Variants in MON2 observed in about 807,000 individuals in gnomAD.
The protein encoded by MON2 is MON2 regulator of endosome-to-Golgi trafficking, also known as protein MON2 homolog.
A neutral mutation model predicts 208.6 loss-of-function variants in MON2; 84 were observed. The ratio of observed to expected loss-of-function variants is 0.40; its 90% CI spans 0.34 to 0.48. The LOEUF (loss-of-function observed/expected upper bound fraction) is 0.48. Ranked by LOEUF, MON2 falls within the 20% of genes least tolerant of loss-of-function variation. The pLI is 0.59. For synonymous variants in MON2, 660 were observed against 694.0 expected (o/e 0.95, Z 0.77); for missense variants, 1,611 against 2,015.4 (o/e 0.80, Z 3.84).
chr12:62,534,542 A>AAAAAATATATATATATAT (rs1555169522), intron 12 of MON2, among the ~76,000 whole-genome samples: 2 of 22,840 alleles, frequency 8.8e-5, no homozygotes, highest in Non-Finnish European at 7.4e-5. Context: ...AAAAAAAAAA[A>AAAAAATATATATATATAT]ATATATATAT....
intron 5 of MON2, 111 bp from the exon 6 acceptor site, chr12:62,500,672 A>G: frequency 1.7e-6 from 1 of 579,558 alleles, no homozygotes; most frequent in Non-Finnish European, 2.9e-6. Flanking sequence ...TGAAATTATA[A>G]CTTCAACTTA....
At chr12:62,514,022 A>G (rs1424897490) in intron 8 of MON2, among the ~76,000 whole-genome samples, 1 of 129,534 alleles carries the variant, frequency 7.7e-6, no homozygotes, top group Non-Finnish European at 1.8e-5. Context: ...CCCAAGTTCA[A>G]AGTTCCACAA....
At chr12:62,493,537 A>G (rs1247018043) in intron 2 of MON2, among the ~76,000 whole-genome samples, 6 of 152,186 alleles carry the variant, frequency 3.9e-5, no homozygotes, top group Non-Finnish European at 7.4e-5. Flanking sequence ...TAATGATTCT[A>G]TTCTAGGGTG....
At position 62,580,169 on chromosome 12, in the gene MON2, G is replaced by A; in HGVS notation, c.4576-128G>A. ...TCTGTATGTTAACATTAAAATGTTTGTGTACTTCTTTAAAGGAGAGTTCTT... is the reference window on the plus strand; with the variant it reads ...TCTGTATGTTAACATTAAAATGTTTATGTACTTCTTTAAAGGAGAGTTCTT... On this transcript the variant is annotated intron_variant, in intron 31 of 34. Coordinates refer to ENST00000393630, the MANE Select transcript of MON2 (RefSeq NM_015026.3). The A allele has an allele frequency of 8.3e-6, 7 of 843,472 alleles. No homozygotes were observed. The South Asian group carries it at 9.8e-5, about 12-fold the overall frequency. 52.2% of individuals were successfully genotyped at this position (843,472 alleles called of 1,614,324 possible). A position where few individuals can be genotyped will look rare whatever the true frequency, so the allele number is the denominator to read the frequency against.
intron 21 of MON2, 58 bp from the exon 22 acceptor site, chr12:62,546,839 A>C: frequency 7.6e-7 from 1 of 1,310,010 alleles, no homozygotes; most frequent in Non-Finnish European, 1.1e-6. Flanking sequence ...AAGCAACAGT[A>C]AAGCCTTCTT....
chr12:62,535,887 T>A (rs1197842248), intron 14 of MON2, among the ~76,000 whole-genome samples, 178 bp downstream of exon 14: 2 of 143,982 alleles, frequency 1.4e-5, no homozygotes, highest in Admixed American at 6.9e-5. Flanking sequence ...GGGGTGGGCA[T>A]GGGATATCCA....
intron 24 of MON2, among the ~76,000 whole-genome samples, chr12:62,554,706 G>A (rs983714563): frequency 9.9e-5 from 15 of 151,874 alleles, no homozygotes; most frequent in African/African-American, 3.6e-4. Context: ...ATATTGCCCC[G>A]GCTGTTCTCA....
intron 34 of MON2, chr12:62,588,982 T>G: frequency 9.5e-7 from 1 of 1,051,770 alleles, no homozygotes; most frequent in Non-Finnish European, 1.3e-6. Flanking sequence ...AAGCACTCTA[T>G]TTGTATTACA....
intron 8 of MON2, among the ~76,000 whole-genome samples, chr12:62,518,968 G>T (rs1179450902): frequency 1.3e-5 from 2 of 152,140 alleles, no homozygotes; most frequent in African/African-American, 4.8e-5. Flanking sequence ...GTTGATGTGT[G>T]ATGCCTCTCT....
intron 4 of MON2, among the ~76,000 whole-genome samples, chr12:62,498,311 G>T (rs753224927): frequency 1.3e-5 from 2 of 152,070 alleles, no homozygotes; most frequent in South Asian, 4.1e-4. Context: ...AAAGCACATG[G>T]GTGTTTGCCT....
intron 32 of MON2, among the ~76,000 whole-genome samples, chr12:62,584,469 C>G (rs1452651165): frequency 6.6e-6 from 1 of 152,060 alleles, no homozygotes; most frequent in African/African-American, 2.4e-5. Context: ...TTTGGGAAGC[C>G]AAGGCTGGCG....
intron 4 of MON2, among the ~76,000 whole-genome samples, chr12:62,495,392 TG>T (rs1424888247): frequency 6.7e-6 from 1 of 148,218 alleles, no homozygotes; most frequent in Non-Finnish European, 1.5e-5. Flanking sequence ...GAATAGGAAA[TG>T]GAAAAAAGAG....
rs573222184 is a variant in MON2, at chr12:62,596,887, G to A, written c.*4138G>A. On this transcript the variant is annotated 3_prime_UTR_variant, in exon 35 of 35. Transcript: ENST00000393630. ...TCTTACAAATCCAATACTTTCTAAT[G>A]CTCTAACAGTGTTGGCTATTTAAAA... 6.6e-6 allele frequency: 1 copy of A among 152,140 alleles called. No individual in the cohort carries two copies. Among genetic ancestry groups the A allele is most frequent in the Non-Finnish European group, 1.5e-5 (1 of 68,020 alleles). 9.4% of individuals were successfully genotyped at this position (152,140 alleles called of 1,614,324 possible).
chr12:62,573,241 A>G (rs2074661739), intron 30 of MON2, among the ~76,000 whole-genome samples: 2 of 152,228 alleles, frequency 1.3e-5, no homozygotes, highest in Non-Finnish European at 2.9e-5. Flanking sequence ...AATAACTCTG[A>G]AAATTTGAGT....
chr12:62,560,747 T>G lies in MON2; in HGVS notation c.3666T>G (p.Tyr1222Ter). 2 of 1,614,128 alleles carry G rather than the reference T, an allele frequency of 1.2e-6. No individual in the cohort carries two copies. Among genetic ancestry groups the G allele is most frequent in the Non-Finnish European group, 1.7e-6 (2 of 1,180,012 alleles). The change falls in exon 26 of 35, where the codon TAT becomes TAG. Residue 1222 changes from tyrosine (Y) to a stop codon, truncating the protein, a stop_gained. Transcript: ENST00000393630. LOFTEE classifies it high-confidence loss of function. ...CCATTGGAGAAAAACTAGGAAGATA[T>G]AGTAGCTCTGAGCCACCCATTGTTA... ...TDSIGEKLGR[Y>*]SSSEPPIVTD...
intron 22 of MON2, among the ~76,000 whole-genome samples, chr12:62,548,818 CA>C (rs1354159534): frequency 1.3e-5 from 2 of 152,046 alleles, no homozygotes; most frequent in Non-Finnish European, 2.9e-5. Flanking sequence ...GATTTTTCTC[CA>C]AAACTAAATA....
chr12:62,556,582 G>A (rs2073975789), intron 25 of MON2, among the ~76,000 whole-genome samples: 1 of 152,164 alleles, frequency 6.6e-6, no homozygotes, highest in South Asian at 2.1e-4. Flanking sequence ...AGTTCATCAG[G>A]CAAGAGTAAG....
At position 62,594,410 on chromosome 12, in the gene MON2, C is replaced by T. The variant is rs1170439452; in HGVS notation, c.*1661C>T. ...ACTGAATTTCTATTTTATTATTTCACCTAAAATTAAGGTAAAATATGGCAT... is the reference window on the plus strand; with the variant it reads ...ACTGAATTTCTATTTTATTATTTCATCTAAAATTAAGGTAAAATATGGCAT... On this transcript the variant is annotated 3_prime_UTR_variant, in exon 35 of 35. Coordinates refer to ENST00000393630, the MANE Select transcript of MON2 (RefSeq NM_015026.3). The T allele has an allele frequency of 1.3e-5, 2 of 151,996 alleles. No individual in the cohort carries two copies. The highest frequency in any genetic ancestry group is 2.9e-5 in the Non-Finnish European group (2 of 67,950). 9.4% of individuals were successfully genotyped at this position (151,996 alleles called of 1,614,324 possible).
rs974433936 is a variant in MON2 at position 62,532,470 on chromosome 12, C to G, written c.1433C>G (p.Thr478Ser). 5 of 1,613,948 alleles carry G rather than the reference C, an allele frequency of 3.1e-6. No individual in the cohort carries two copies. The African/African-American group carries it at 6.7e-5, about 22-fold the overall frequency. ...ATGTTGGACAAAGTTGAGCCTCCAACTATACCTGAAGGTTACGCCATGTCT... is the reference window on the plus strand; with the variant it reads ...ATGTTGGACAAAGTTGAGCCTCCAAGTATACCTGAAGGTTACGCCATGTCT... ...LEMLDKVEPPTIPEGYAMSVA... is the reference protein window; with the variant it reads ...LEMLDKVEPPSIPEGYAMSVA... The change falls in exon 12 of 35, where the codon ACT becomes AGT. Residue 478 changes from threonine to serine, a missense_variant. Physicochemically the swap from Thr to Ser is moderately conservative, Grantham distance 58 (BLOSUM62 1). Coordinates refer to ENST00000393630, the MANE Select transcript of MON2 (RefSeq NM_015026.3).
Sources: gnomAD v4.1 joint callset for allele counts (sites outside exome capture counted in the v4.1 genomes callset) on GRCh38, gnomAD v4.1.1 for gene constraint, MANE v1.5 for transcripts, NCBI Gene and HGNC (gene_info 2026-07-23, HGNC 2026-07-21) for gene names.